Variants in UBP1 observed in about 807,000 individuals in gnomAD.
The protein encoded by UBP1 is upstream-binding protein 1.
UBP1 carries 22 observed loss-of-function variants against 76.1 expected under a neutral mutation model. That is an observed-to-expected ratio of 0.29 (90% CI 0.21 to 0.41). UBP1 has a LOEUF of 0.41. UBP1 is among the 10% of genes least tolerant of loss of function. UBP1 has a pLI of 1.00. For synonymous variants in UBP1, 224 were observed against 237.1 expected (o/e 0.94, Z 0.51); for missense variants, 436 against 668.1 (o/e 0.65, Z 3.83).
chr3:33,439,415 T>C (rs2045252597), intron 1 of UBP1, among the ~76,000 whole-genome samples: 1 of 152,176 alleles, frequency 6.6e-6, no homozygotes, highest in Non-Finnish European at 1.5e-5. Flanking sequence ...GACTTGTAAA[T>C]CACTTATAAG....
Position 33,424,811 on chromosome 3 carries a change from C to T in UBP1, c.265+779G>A, listed in dbSNP as rs530333986. On this transcript the variant is annotated intron_variant, in intron 2 of 15. Coordinates refer to ENST00000283629, the MANE Select transcript of UBP1 (RefSeq NM_014517.5). ...CTGTAATCCCAGCACTTTGGGATGC[C>T]GAGGCAGGCGGATCACTTAAGGTCA... 1.1e-4 allele frequency among the ~76,000 whole-genome samples: 16 copies of T among 152,224 alleles called. No individual in the cohort carries two copies. The South Asian group carries it at 1.5e-3, about 14-fold the overall frequency.
At chr3:33,407,751 T>A (rs950703978) in intron 8 of UBP1, among the ~76,000 whole-genome samples, 1 of 152,204 alleles carries the variant, frequency 6.6e-6, no homozygotes, top group Non-Finnish European at 1.5e-5. Context: ...GCGATATGTG[T>A]AAGAATGAAA....
rs771014727 is a variant in UBP1, at chr3:33,401,047, G to A, written c.1032-31C>T. 3.2e-6 allele frequency: 5 copies of A among 1,566,800 alleles called. No homozygotes were observed. The Middle Eastern group carries it at 5.0e-4, about 158-fold the overall frequency. ...GAGAAAGGAGAAAGAAGGAAATGAT[G>A]ATTTTTATAATACATATATGTTTTA... is the stretch of plus-strand genomic sequence containing the variant. On this transcript the variant is annotated intron_variant, in intron 9 of 15. Transcript: ENST00000283629.
In UBP1 at chr3:33,393,470, AAAAAAG is replaced by A. The variant is rs1366335252; in HGVS notation, c.1391-22_1391-17del. On this transcript the variant is annotated splice_polypyrimidine_tract_variant and intron_variant, in intron 13 of 15. Transcript: ENST00000283629. ...GCATGATAAACTGAAATTAAAAAAA[AAAAAAG>A]AAAAGCATTTTAACAGTAATCTTTG... 3.1e-6 allele frequency: 5 copies of A among 1,593,570 alleles called. No homozygotes were observed. The highest frequency in any genetic ancestry group is 3.7e-5 in the Admixed American group (2 of 54,726).
At chr3:33,418,563 GA>G (rs1363110905) in intron 2 of UBP1, among the ~76,000 whole-genome samples, 1 of 151,718 alleles carries the variant, frequency 6.6e-6, no homozygotes, top group Non-Finnish European at 1.5e-5. Context: ...CCGGCCATAA[GA>G]AGTATTTAAT....
Position 33,390,259 on chromosome 3 carries a change from C to A in UBP1, c.*72G>T. ...ATGGTAAAATCCAATCCCAAGACTT[C>A]TTGGATTCAGTCTTCACACACTTTT... On this transcript the variant is annotated 3_prime_UTR_variant, in exon 16 of 16. Coordinates refer to ENST00000283629, the MANE Select transcript of UBP1 (RefSeq NM_014517.5). The A allele has an allele frequency of 1.4e-6, 2 of 1,448,102 alleles. No homozygotes were observed. Among genetic ancestry groups the A allele is most frequent in the South Asian group, 1.2e-5 (1 of 83,770 alleles). 89.7% of individuals were successfully genotyped at this position (1,448,102 alleles called of 1,614,324 possible).
At chr3:33,396,052 T>G (rs3817476) in intron 13 of UBP1, 110 bp downstream of exon 13, 1 of 976,154 alleles carries the variant, frequency 1.0e-6, no homozygotes, top group South Asian at 2.8e-5. Flanking sequence ...CATGAGCAAC[T>G]TGGCATTCCT....
At chr3:33,418,705 A>C (rs1188335623) in intron 2 of UBP1, among the ~76,000 whole-genome samples, 1 of 151,806 alleles carries the variant, frequency 6.6e-6, no homozygotes, top group East Asian at 2.0e-4. Flanking sequence ...CTAAAAATAC[A>C]AAAATTAGCT....
At position 33,388,480 on chromosome 3, in the gene UBP1, T is replaced by C. The variant is rs1201618327; in HGVS notation, c.*1851A>G. 6.6e-6 allele frequency: 1 copy of C among 152,660 alleles called. No individual in the cohort carries two copies. Among genetic ancestry groups the C allele is most frequent in the African/African-American group, 2.4e-5 (1 of 41,464 alleles). 9.5% of individuals were successfully genotyped at this position (152,660 alleles called of 1,614,324 possible). On this transcript the variant is annotated 3_prime_UTR_variant, in exon 16 of 16. Transcript: ENST00000283629. ...TCACGTTCAATGCCACTCAGTATAA[T>C]TTCAAGTCTGATAAGCATCTAAGTA...
chr3:33,395,766 A>G (rs1437486260), intron 13 of UBP1, among the ~76,000 whole-genome samples: 5 of 151,238 alleles, frequency 3.3e-5, no homozygotes, highest in Non-Finnish European at 5.9e-5. Flanking sequence ...AAAAAAAAAA[A>G]AAAAAAAGAA....
rs1187601259 is a variant in UBP1 at position 33,440,230 on chromosome 3, G to A, written c.-382C>T. 1 of 155,712 alleles carries A rather than the reference G, an allele frequency of 6.4e-6. No homozygotes were observed. Among genetic ancestry groups the A allele is most frequent in the East Asian group, 1.9e-4 (1 of 5,276 alleles). The allele number at this position is 155,712 out of a possible 1,614,324, so 9.6% of individuals were successfully genotyped here. The stretch of plus-strand genomic sequence containing the variant: ...AGGCTGGACCTCGGGCCGCTCCGAG[G>A]ACCACACGGGGGCAAGCCCTCCGCC... On this transcript the variant is annotated 5_prime_UTR_variant, in exon 1 of 16. Transcript: ENST00000283629.
chr3:33,423,925 A>C (rs1194333642), intron 2 of UBP1, among the ~76,000 whole-genome samples: 3 of 152,254 alleles, frequency 2.0e-5, no homozygotes, highest in East Asian at 1.9e-4. Flanking sequence ...GTTTAAGAAC[A>C]ACCATGATAA....
At chr3:33,406,686 AGTG>A (rs2044437161) in intron 8 of UBP1, among the ~76,000 whole-genome samples, 1 of 152,236 alleles carries the variant, frequency 6.6e-6, no homozygotes, top group Admixed American at 6.5e-5. Context: ...GCGATGGTGC[AGTG>A]CCTATGCTCC....
intron 13 of UBP1, among the ~76,000 whole-genome samples, chr3:33,394,343 G>C (rs1331776583): frequency 6.6e-6 from 1 of 151,972 alleles, no homozygotes; most frequent in African/African-American, 2.4e-5. Context: ...AGCACGCCCA[G>C]TTAAGCATTA....
chr3:33,396,045 G>T, intron 13 of UBP1, 117 bp downstream of exon 13: 1 of 897,766 alleles, frequency 1.1e-6, no homozygotes, highest in Non-Finnish European at 1.6e-6. Context: ...GCTCCCACAT[G>T]AGCAACTTGG....
At chr3:33,400,142 A>G (rs369331402) in intron 11 of UBP1, 47 bp downstream of exon 11, 3 of 1,278,064 alleles carry the variant, frequency 2.3e-6, no homozygotes, top group African/African-American at 3.1e-5. Flanking sequence ...GCACAGAAAC[A>G]AAAACAAAAC....
chr3:33,390,414 A>G, intron 15 of UBP1, 46 bp from the exon 16 acceptor site: 1 of 1,606,438 alleles, frequency 6.2e-7, no homozygotes, highest in Admixed American at 1.7e-5. Flanking sequence ...GGCTTAGGAA[A>G]TTAAGCCTAT....
At chr3:33,416,354 C>T (rs921838647) in intron 3 of UBP1, among the ~76,000 whole-genome samples, 1 of 152,186 alleles carries the variant, frequency 6.6e-6, no homozygotes, top group Admixed American at 6.5e-5. Flanking sequence ...GGATGACTGA[C>T]TTCTTCATTC....
intron 1 of UBP1, among the ~76,000 whole-genome samples, chr3:33,429,579 T>G (rs1036321876): frequency 2.0e-5 from 3 of 152,178 alleles, no homozygotes; most frequent in Non-Finnish European, 4.4e-5. Flanking sequence ...TCCACCCACC[T>G]CGGCCTCCTA....
Sources: gnomAD v4.1 joint callset for allele counts (sites outside exome capture counted in the v4.1 genomes callset) on GRCh38, gnomAD v4.1.1 for gene constraint, MANE v1.5 for transcripts, NCBI Gene and HGNC (gene_info 2026-07-23, HGNC 2026-07-21) for gene names.